The following KCTD3 variants were observed in gnomAD, a reference collection of about 807,000 sequenced individuals.
The protein encoded by KCTD3 is potassium channel tetramerization domain containing 3.
KCTD3 carries 41 observed loss-of-function variants against 85.8 expected under a neutral mutation model. That is an observed-to-expected ratio of 0.48 (90% CI 0.37 to 0.62). KCTD3 has a LOEUF of 0.62. Ranked by LOEUF, KCTD3 falls within the 20% of genes least tolerant of loss-of-function variation. KCTD3 has a pLI of 0.00. For synonymous variants in KCTD3, 338 were observed against 345.4 expected (o/e 0.98, Z 0.24); for missense variants, 724 against 989.9 (o/e 0.73, Z 3.60).
chr1:215,597,662 C>T (rs755558603), intron 10 of KCTD3, among the ~76,000 whole-genome samples: 4 of 152,108 alleles, frequency 2.6e-5, no homozygotes, highest in South Asian at 2.1e-4. Context: ...GTTCTGGGAA[C>T]AAGAATTCAA....
chr1:215,601,432 CTTTG>C (rs1654829881), intron 10 of KCTD3, among the ~76,000 whole-genome samples: 1 of 152,052 alleles, frequency 6.6e-6, no homozygotes, highest in South Asian at 2.1e-4. Context: ...AAATCAGTTG[CTTTG>C]TTTACTAGTT....
chr1:215,601,008 G>A (rs976620839), intron 10 of KCTD3, among the ~76,000 whole-genome samples: 2 of 150,558 alleles, frequency 1.3e-5, no homozygotes, highest in African/African-American at 4.9e-5. Context: ...CACAATCCCC[G>A]CTCACCGCAA....
At chr1:215,618,859 A>G (rs779904120) in intron 15 of KCTD3, 27 bp from the exon 16 acceptor site, 1 of 1,530,184 alleles carries the variant, frequency 6.5e-7, no homozygotes, top group South Asian at 1.3e-5. Context: ...CATTCCCATC[A>G]GGGCTCTTTC....
intron 9 of KCTD3, among the ~76,000 whole-genome samples, chr1:215,591,281 TC>T (rs1660197713): frequency 7.1e-6 from 1 of 141,326 alleles, no homozygotes; most frequent in Non-Finnish European, 1.5e-5. Context: ...TCTCTCTCCT[TC>T]CTTCTTTCCT....
In KCTD3 at chr1:215,586,747, AG is replaced by A. The variant is rs1660025157; in HGVS notation, c.817+63del. On this transcript the variant is annotated intron_variant, in intron 9 of 17. Coordinates refer to ENST00000259154, the MANE Select transcript of KCTD3 (RefSeq NM_016121.5). ...ATTAATATTTTGAAGTTTATAAAAG[AG>A]ATTGACACTGAATATGAAAATTAAC... The A allele has an allele frequency of 3.0e-6, 4 of 1,337,536 alleles. No individual in the cohort carries two copies. In the Admixed American group the frequency reaches 5.7e-5, roughly 19 times the overall value. The allele number at this position is 1,337,536 out of a possible 1,614,324, so 82.9% of individuals were successfully genotyped here. A position where few individuals can be genotyped will look rare whatever the true frequency, so the allele number is the denominator to read the frequency against.
Position 215,620,438 on chromosome 1 carries a change from A to G in KCTD3, c.2268A>G (p.Lys756=). The change falls in exon 18 of 18, where the codon AAA becomes AAG. Residue 756 remains lysine, a synonymous_variant. Transcript: ENST00000259154. ...AAAATAAAATAGAGTTTAGGAAGAA[A>G]GGAGGATTTGAAGGGGGAGGATTCC... ...ENENKIEFRK[K]GGFEGGGFLG... The G allele has an allele frequency of 6.2e-7, 1 of 1,613,774 alleles. No homozygotes were observed. Among genetic ancestry groups the G allele is most frequent in the Non-Finnish European group, 8.5e-7 (1 of 1,179,780 alleles).
Position 215,619,186 on chromosome 1 carries a change from A to G in KCTD3, c.1781A>G (p.Lys594Arg), listed in dbSNP as rs1385258395. ...VGGPTEEELL[K>R]LLDQCDLSTS... is the part of the protein sequence containing the mutation. The stretch of plus-strand genomic sequence containing the variant: ...GGTCCAACCGAAGAAGAGCTACTCA[A>G]ATTACTCGATCAATGTGATTTGAGC... Residue 594 changes from lysine (K) to arginine (R), a missense_variant, in exon 17 of 18, where the codon AAA becomes AGA. Physicochemically the swap from Lys to Arg is conservative, Grantham distance 26. Coordinates refer to ENST00000259154, the MANE Select transcript of KCTD3 (RefSeq NM_016121.5). The G allele has an allele frequency of 1.2e-6, 2 of 1,614,010 alleles. No homozygotes were observed. The highest frequency in any genetic ancestry group is 2.7e-5 in the African/African-American group (2 of 75,054).
chr1:215,604,303 G>A lies in KCTD3; in HGVS notation c.1309+1G>A. The A allele has an allele frequency of 6.2e-7, 1 of 1,610,980 alleles. No individual in the cohort carries two copies. The highest frequency in any genetic ancestry group is 8.5e-7 in the Non-Finnish European group (1 of 1,177,642). On this transcript the variant is annotated splice_donor_variant, in intron 13 of 17. Coordinates refer to ENST00000259154, the MANE Select transcript of KCTD3 (RefSeq NM_016121.5). LOFTEE classifies it high-confidence loss of function. ...CTATCAGAGAAGCATCTTGTATCAG[G>A]TAAAATGATTTCATTATACTGGTAA... is the stretch of plus-strand genomic sequence containing the variant.
At chr1:215,572,224 T>C (rs890445818) in intron 1 of KCTD3, among the ~76,000 whole-genome samples, 1 of 152,242 alleles carries the variant, frequency 6.6e-6, no homozygotes, top group African/African-American at 2.4e-5. Context: ...TGATTCTGTT[T>C]ATCACACATA....
At chr1:215,580,099 T>G in intron 8 of KCTD3, 100 bp downstream of exon 8, 1 of 737,004 alleles carries the variant, frequency 1.4e-6, no homozygotes, top group South Asian at 1.7e-5. Context: ...TTTTTAGTCA[T>G]CAAGTTTTTT....
At chr1:215,608,362 G>C (rs934352751) in intron 14 of KCTD3, among the ~76,000 whole-genome samples, 190 bp downstream of exon 14, 1 of 151,754 alleles carries the variant, frequency 6.6e-6, no homozygotes, top group African/African-American at 2.4e-5. Context: ...TTATTGCAGC[G>C]TTTTTCCTTA....
intron 8 of KCTD3, among the ~76,000 whole-genome samples, chr1:215,583,402 A>G (rs895328883): frequency 1.3e-5 from 2 of 152,208 alleles, no homozygotes; most frequent in African/African-American, 2.4e-5. Context: ...GTCTTTTAGC[A>G]TGATAATGCA....
At chr1:215,586,428 A>T in intron 8 of KCTD3, 67 bp from the exon 9 acceptor site, 1 of 1,262,546 alleles carries the variant, frequency 7.9e-7, no homozygotes, top group Non-Finnish European at 1.1e-6. Flanking sequence ...TTTTTGGTGC[A>T]TTGATGTGTA....
intron 15 of KCTD3, among the ~76,000 whole-genome samples, chr1:215,616,376 A>T (rs1224821472): frequency 2.0e-5 from 3 of 152,140 alleles, no homozygotes; most frequent in Non-Finnish European, 4.4e-5. Flanking sequence ...TTTATGATTT[A>T]AAAAAACCCT....
intron 8 of KCTD3, chr1:215,581,090 A>G (rs1057115319): frequency 1.4e-5 from 5 of 345,160 alleles, no homozygotes; most frequent in Non-Finnish European, 2.9e-5. Context: ...TACTGAAGAT[A>G]CAAAAATTAG....
intron 10 of KCTD3, among the ~76,000 whole-genome samples, chr1:215,599,566 T>C (rs948810059): frequency 2.0e-5 from 3 of 152,186 alleles, no homozygotes; most frequent in African/African-American, 7.2e-5. Context: ...GACTGAACCA[T>C]GCATACTAAT....
At chr1:215,608,955 C>T (rs955992041) in intron 14 of KCTD3, among the ~76,000 whole-genome samples, 6 of 151,908 alleles carry the variant, frequency 3.9e-5, no homozygotes, top group African/African-American at 9.7e-5. Flanking sequence ...AAATATTTAT[C>T]GAGTACTTGT....
chr1:215,568,510 G>C (rs1448213058), intron 1 of KCTD3, among the ~76,000 whole-genome samples: 2 of 82,306 alleles, frequency 2.4e-5, no homozygotes, highest in Non-Finnish European at 4.6e-5. Context: ...CGCCCCTTCT[G>C]TGCCTGTTAT....
intron 15 of KCTD3, among the ~76,000 whole-genome samples, chr1:215,617,156 C>T (rs1285538486): frequency 1.3e-5 from 2 of 152,214 alleles, no homozygotes; most frequent in African/African-American, 4.8e-5. Flanking sequence ...GCTCTATGCT[C>T]CTTCCCACAC....
Sources: gnomAD v4.1 joint callset for allele counts (sites outside exome capture counted in the v4.1 genomes callset) on GRCh38, gnomAD v4.1.1 for gene constraint, MANE v1.5 for transcripts, NCBI Gene and HGNC (gene_info 2026-07-23, HGNC 2026-07-21) for gene names.